The following DGKB variants were observed in gnomAD, a reference collection of about 807,000 sequenced individuals.
The protein encoded by DGKB is diacylglycerol kinase beta.
Under a neutral mutation model 114.3 loss-of-function variants are expected in DGKB, and 67 were observed. The observed-to-expected ratio is 0.59, with a 90% CI of 0.48 to 0.72. The LOEUF (loss-of-function observed/expected upper bound fraction) is 0.72, where lower values mean the gene tolerates loss of function less well. Among genes scored for constraint, DGKB ranks in the 30% least tolerant of loss-of-function variants. DGKB has a pLI of 0.00. For synonymous variants in DGKB, 398 were observed against 323.1 expected, an observed-to-expected ratio of 1.23 and a Z score of -2.49; for missense variants, 907 against 975.2, an observed-to-expected ratio of 0.93 and a Z score of 0.93.
chr7:14,363,790 C>T lies in DGKB; in HGVS notation c.1836-18399G>A, dbSNP rs536683490. ...AGAAGCAAAACATGCTCCAAAATAT[C>T]AGCAGAGGCAGTGCTTAAATTTCAT... is the stretch of plus-strand genomic sequence containing the variant. On this transcript the variant is annotated intron_variant, in intron 21 of 25. Transcript: ENST00000402815. 2.6e-5 allele frequency among the ~76,000 whole-genome samples: 4 copies of T among 152,110 alleles called. No homozygotes were observed. The East Asian group carries it at 7.7e-4, about 29-fold the overall frequency.
intron 13 of DGKB, among the ~76,000 whole-genome samples, chr7:14,661,462 C>T (rs113920911): frequency 7.6e-6 from 1 of 131,498 alleles, no homozygotes; most frequent in Non-Finnish European, 1.6e-5. Flanking sequence ...AAATGCTCAC[C>T]GTCACTGGCC....
At chr7:14,406,490 T>C (rs1258222903) in intron 21 of DGKB, among the ~76,000 whole-genome samples, 2 of 152,082 alleles carry the variant, frequency 1.3e-5, no homozygotes, top group African/African-American at 2.4e-5. Context: ...TGGCTCTACA[T>C]GTCCAGGTAC....
At chr7:14,934,790 A>G (rs528614247) in intron 1 of DGKB, among the ~76,000 whole-genome samples, 1 of 152,312 alleles carries the variant, frequency 6.6e-6, no homozygotes, top group East Asian at 1.9e-4. Flanking sequence ...ATTTCAATCA[A>G]TCCCCTAACT....
chr7:14,504,983 C>A (rs930045403), intron 20 of DGKB, among the ~76,000 whole-genome samples: 1 of 152,170 alleles, frequency 6.6e-6, no homozygotes, highest in African/African-American at 2.4e-5. Flanking sequence ...AGCCAGAAAT[C>A]AACACCTGTT....
At chr7:14,879,380 T>C (rs1853864502) in intron 1 of DGKB, among the ~76,000 whole-genome samples, 1 of 152,192 alleles carries the variant, frequency 6.6e-6, no homozygotes, top group Admixed American at 6.5e-5. Context: ...AACGACTGTT[T>C]CTATCACTTC....
chr7:14,556,260 A>G (rs1251164085), intron 20 of DGKB, among the ~76,000 whole-genome samples: 3 of 152,172 alleles, frequency 2.0e-5, no homozygotes, highest in African/African-American at 7.2e-5. Context: ...TATTGTTAAC[A>G]AAATTTTATT....
intron 21 of DGKB, among the ~76,000 whole-genome samples, chr7:14,350,063 T>C (rs1478545536): frequency 6.6e-6 from 1 of 152,160 alleles, no homozygotes; most frequent in Non-Finnish European, 1.5e-5. Flanking sequence ...ATTGTAAATC[T>C]ACAAGTTTCT....
chr7:14,640,348 G>A (rs937713402), intron 13 of DGKB, among the ~76,000 whole-genome samples: 1 of 152,182 alleles, frequency 6.6e-6, no homozygotes, highest in African/African-American at 2.4e-5. Context: ...GGTGGCTCAA[G>A]GATGTTGAAG....
At chr7:14,580,234 C>T (rs2128722069) in intron 19 of DGKB, among the ~76,000 whole-genome samples, 1 of 152,306 alleles carries the variant, frequency 6.6e-6, no homozygotes, top group South Asian at 2.1e-4. Flanking sequence ...ATGGCTGTGT[C>T]ATTATCTAGC....
At chr7:14,799,905 A>G (rs1466964540) in intron 2 of DGKB, among the ~76,000 whole-genome samples, 1 of 151,814 alleles carries the variant, frequency 6.6e-6, no homozygotes, top group African/African-American at 2.4e-5. Context: ...GCCTGCATAT[A>G]ATTATTCTCC....
At chr7:14,256,667 T>C (rs1316248749) in intron 23 of DGKB, among the ~76,000 whole-genome samples, 1 of 152,210 alleles carries the variant, frequency 6.6e-6, no homozygotes, top group Non-Finnish European at 1.5e-5. Flanking sequence ...AATTGGAGGT[T>C]ATTGCATAGT....
At chr7:14,944,775 G>C (rs553539917) in intron 1 of DGKB, among the ~76,000 whole-genome samples, 66 of 150,882 alleles carry the variant, frequency 4.4e-4, no homozygotes, top group African/African-American at 1.6e-3. Flanking sequence ...ACAATCAATA[G>C]ATATGCTATC....
intron 18 of DGKB, among the ~76,000 whole-genome samples, chr7:14,582,181 T>C (rs1258064876): frequency 3.3e-5 from 5 of 152,180 alleles, no homozygotes; most frequent in African/African-American, 7.2e-5. Flanking sequence ...AATTGATCAA[T>C]GCGGTAACTG....
chr7:14,178,108 G>A lies in DGKB; in HGVS notation c.2166C>T (p.Ala722=). 1 of 1,612,840 alleles carries A rather than the reference G, an allele frequency of 6.2e-7. No homozygotes were observed. Among genetic ancestry groups the A allele is most frequent in the South Asian group, 1.1e-5 (1 of 90,972 alleles). The change falls in exon 24 of 26, where the codon GCC becomes GCT. Residue 722 remains alanine (A), a synonymous_variant. Coordinates refer to ENST00000402815, the MANE Select transcript of DGKB (RefSeq NM_001350709.2). The part of the protein sequence containing the change: ...QLLEVVGLEG[A]MEMGQIYTGL... ...CTGTGTATATTTGCCCCATCTCCAT[G>A]GCTCCTTCCAAGCCGACCACCTCCA...
intron 1 of DGKB, among the ~76,000 whole-genome samples, chr7:14,901,019 A>C (rs1364523112): frequency 2.6e-5 from 4 of 152,134 alleles, no homozygotes; most frequent in Non-Finnish European, 5.9e-5. Flanking sequence ...TCATGTATGC[A>C]CTATTGTAGC....
chr7:14,932,533 T>C (rs887688784), intron 1 of DGKB, among the ~76,000 whole-genome samples: 1 of 152,202 alleles, frequency 6.6e-6, no homozygotes, highest in Non-Finnish European at 1.5e-5. Flanking sequence ...CTGCAAACCA[T>C]AAAATTATAC....
chr7:14,371,344 G>A (rs1003225477), intron 21 of DGKB, among the ~76,000 whole-genome samples: 1 of 152,016 alleles, frequency 6.6e-6, no homozygotes, highest in African/African-American at 2.4e-5. Flanking sequence ...GTTGCTTTTT[G>A]ACTTTTTAAT....
At chr7:14,806,256 C>G (rs1232879571) in intron 2 of DGKB, among the ~76,000 whole-genome samples, 1 of 151,902 alleles carries the variant, frequency 6.6e-6, no homozygotes, top group Admixed American at 6.6e-5. Flanking sequence ...TATTCTTCAT[C>G]CAATTGATAT....
intron 21 of DGKB, among the ~76,000 whole-genome samples, chr7:14,408,131 G>A (rs1319209619): frequency 6.6e-6 from 1 of 152,134 alleles, no homozygotes; most frequent in Non-Finnish European, 1.5e-5. Context: ...GGTGGCTCCT[G>A]ACAAAGTAGG....
Sources: gnomAD v4.1 joint callset for allele counts (sites outside exome capture counted in the v4.1 genomes callset) on GRCh38, gnomAD v4.1.1 for gene constraint, MANE v1.5 for transcripts, NCBI Gene and HGNC (gene_info 2026-07-23, HGNC 2026-07-21) for gene names.